Variants in AGTPBP1 observed in about 807,000 individuals in gnomAD.
AGTPBP1 encodes the protein ATP/GTP binding carboxypeptidase 1.
Under a neutral mutation model 143.9 loss-of-function variants are expected in AGTPBP1, and 70 were observed. That is an observed-to-expected ratio of 0.49 (90% CI 0.40 to 0.59). The LOEUF (loss-of-function observed/expected upper bound fraction) is 0.59, where lower values mean the gene tolerates loss of function less well. AGTPBP1 is among the 20% of genes least tolerant of loss of function. The probability of loss-of-function intolerance (pLI) is 0.00; values close to 1 mark genes in which losing one functional copy is unlikely to be tolerated. For synonymous variants in AGTPBP1, 463 were observed against 500.2 expected (o/e 0.93, Z 0.99); for missense variants, 1,229 against 1,464.5 (o/e 0.84, Z 2.62).
intron 17 of AGTPBP1, among the ~76,000 whole-genome samples, chr9:85,601,443 G>A (rs1414541972): frequency 2.0e-5 from 3 of 152,132 alleles, no homozygotes; most frequent in African/African-American, 4.8e-5. Flanking sequence ...GTCAACCAGC[G>A]CTGGCACCTG....
intron 1 of AGTPBP1, among the ~76,000 whole-genome samples, chr9:85,719,787 G>A (rs141638190): frequency 0.028 from 4,318 of 152,226 alleles, 190 homozygotes; most frequent in African/African-American, 0.099. Context: ...GTATGATATT[G>A]GCTGTGGGTC....
the AGTPBP1 span, among the ~76,000 whole-genome samples, chr9:85,801,164 T>C: frequency 1.3e-5 from 2 of 151,778 alleles, no homozygotes; most frequent in African/African-American, 4.8e-5. Context: ...ATACAAAAAA[T>C]AGTCAGGTGT....
intron 10 of AGTPBP1, among the ~76,000 whole-genome samples, chr9:85,656,921 G>C (rs1456439885): frequency 1.3e-5 from 2 of 151,840 alleles, no homozygotes; most frequent in Non-Finnish European, 2.9e-5. Context: ...AGAAAACATG[G>C]CTTTACGGAA....
At chr9:85,648,129 G>T (rs1235936386) in intron 11 of AGTPBP1, among the ~76,000 whole-genome samples, 1 of 152,188 alleles carries the variant, frequency 6.6e-6, no homozygotes, top group African/African-American at 2.4e-5. Context: ...ATTTGACCTT[G>T]AGCAAGTTAC....
intron 13 of AGTPBP1, among the ~76,000 whole-genome samples, chr9:85,641,859 C>T (rs533119718): frequency 4.6e-5 from 7 of 152,056 alleles, no homozygotes; most frequent in South Asian, 2.1e-4. Flanking sequence ...TCATCACGCC[C>T]GGCTAATTTT....
intron 1 of AGTPBP1, among the ~76,000 whole-genome samples, chr9:85,729,922 A>G (rs1838768603): frequency 6.6e-6 from 1 of 152,198 alleles, no homozygotes; most frequent in South Asian, 2.1e-4. Context: ...AAAGATTTAG[A>G]AAAGTTGGGG....
the AGTPBP1 span, among the ~76,000 whole-genome samples, chr9:85,751,804 C>T: frequency 6.6e-6 from 1 of 151,568 alleles, no homozygotes; most frequent in Non-Finnish European, 1.5e-5. Flanking sequence ...ACGGGGTTTC[C>T]CCATGTTGGC....
At chr9:85,591,613 C>G (rs1265099230) in intron 19 of AGTPBP1, among the ~76,000 whole-genome samples, 2 of 151,988 alleles carry the variant, frequency 1.3e-5, no homozygotes, top group East Asian at 3.9e-4. Flanking sequence ...GATAAATTAC[C>G]CAAAAGTAAA....
Position 85,697,699 on chromosome 9 carries a change from G to A in AGTPBP1, c.33-4886C>T, listed in dbSNP as rs566946946. 5.0e-4 allele frequency among the ~76,000 whole-genome samples: 76 copies of A among 152,042 alleles called. 2 individuals are homozygous for A. The South Asian group carries it at 0.013, about 27-fold the overall frequency. On this transcript the variant is annotated intron_variant, in intron 2 of 25. Transcript: ENST00000357081. ...GATCTCCTGACCTCGTGATCCGCCCGCCTCAGCCTCCCAAAGTGCTAGGAT... is the reference window on the plus strand; with the variant it reads ...GATCTCCTGACCTCGTGATCCGCCCACCTCAGCCTCCCAAAGTGCTAGGAT...
intron 17 of AGTPBP1, among the ~76,000 whole-genome samples, chr9:85,618,028 T>C (rs964955918): frequency 9.9e-5 from 15 of 152,080 alleles, no homozygotes; most frequent in African/African-American, 3.4e-4. Context: ...TCACTCGAGG[T>C]CAGGAGTGCG....
At chr9:85,773,744 T>G in the AGTPBP1 span, 1 of 684,950 alleles carries the variant, frequency 1.5e-6, no homozygotes, top group South Asian at 1.9e-5. Context: ...CTATGGAGAT[T>G]AAGGAAGTTC....
At chr9:85,646,702 C>T (rs1832831481) in intron 11 of AGTPBP1, among the ~76,000 whole-genome samples, 3 of 152,152 alleles carry the variant, frequency 2.0e-5, no homozygotes, top group Non-Finnish European at 4.4e-5. Context: ...ATGAAACATC[C>T]TGTTTTCTAT....
intron 17 of AGTPBP1, among the ~76,000 whole-genome samples, chr9:85,604,078 G>A (rs1219270744): frequency 6.6e-6 from 1 of 152,062 alleles, no homozygotes; most frequent in Non-Finnish European, 1.5e-5. Context: ...CTAAAGGGCA[G>A]GACACAAGCC....
intron 22 of AGTPBP1, 106 bp from the exon 23 acceptor site, chr9:85,585,700 C>T: frequency 2.3e-6 from 2 of 867,508 alleles, no homozygotes; most frequent in Non-Finnish European, 3.1e-6. Context: ...GTTCCTTGGT[C>T]TTTTTATTGT....
intron 14 of AGTPBP1, among the ~76,000 whole-genome samples, chr9:85,627,491 GGGTAAAAA>G (rs1831378504): frequency 6.6e-6 from 1 of 152,118 alleles, no homozygotes; most frequent in African/African-American, 2.4e-5. Flanking sequence ...CAAAAATAAT[GGGTAAAAA>G]GGTGAAAAGG....
intron 17 of AGTPBP1, among the ~76,000 whole-genome samples, chr9:85,608,943 T>A (rs1212180200): frequency 1.3e-5 from 2 of 152,122 alleles, no homozygotes; most frequent in African/African-American, 4.8e-5. Flanking sequence ...ACAGGGAGAT[T>A]ATTACATAAA....
chr9:85,711,680 C>T (rs1837382036), intron 2 of AGTPBP1, among the ~76,000 whole-genome samples: 1 of 151,852 alleles, frequency 6.6e-6, no homozygotes, highest in African/African-American at 2.4e-5. Flanking sequence ...CCTCAGATGA[C>T]CCACCCGCCT....
chr9:85,741,812 C>A lies in AGTPBP1; in HGVS notation c.-71G>T. The A allele has an allele frequency of 1.4e-6, 2 of 1,381,894 alleles. No individual in the cohort carries two copies. Among genetic ancestry groups the A allele is most frequent in the South Asian group, 1.6e-5 (1 of 62,576 alleles). 85.6% of individuals were successfully genotyped at this position (1,381,894 alleles called of 1,614,324 possible). On this transcript the variant is annotated 5_prime_UTR_variant, in exon 1 of 26. Coordinates refer to ENST00000357081, the MANE Select transcript of AGTPBP1 (RefSeq NM_001330701.2). ...GGGCGCTGGCGGGGACCGCGCAGAG[C>A]CGCAGCACCCGGCTCAGCACCTGGA... is the stretch of plus-strand genomic sequence containing the variant.
the AGTPBP1 span, among the ~76,000 whole-genome samples, chr9:85,785,322 A>C: frequency 3.2e-4 from 48 of 152,076 alleles, no homozygotes; most frequent in Non-Finnish European, 1.0e-4. Context: ...CGACAGAGCG[A>C]GACTCCGTCT....
Sources: gnomAD v4.1 joint callset for allele counts (sites outside exome capture counted in the v4.1 genomes callset) on GRCh38, gnomAD v4.1.1 for gene constraint, MANE v1.5 for transcripts, NCBI Gene and HGNC (gene_info 2026-07-23, HGNC 2026-07-21) for gene names.